Variants in ASTN2 observed in about 807,000 individuals in gnomAD.
The protein encoded by ASTN2 is astrotactin 2, also known as astrotactin-2.
Under a neutral mutation model 139.8 loss-of-function variants are expected in ASTN2, and 54 were observed. The ratio of observed to expected loss-of-function variants is 0.39; its 90% CI spans 0.31 to 0.48. ASTN2 has a LOEUF of 0.48. Among genes scored for constraint, ASTN2 ranks in the 20% least tolerant of loss-of-function variants. The pLI is 0.95. For synonymous variants in ASTN2, 756 were observed against 719.5 expected (o/e 1.05, Z -0.81); for missense variants, 1,565 against 1,725.1 (o/e 0.91, Z 1.64).
chr9:116,618,297 C>T, intron 19 of ASTN2, 27 bp downstream of exon 19: 1 of 1,603,012 alleles, frequency 6.2e-7, no homozygotes, highest in East Asian at 2.2e-5. Flanking sequence ...CATACTATCC[C>T]AAGAAAATGG....
At chr9:116,907,939 CACACCCAA>C (rs1199910931) in intron 10 of ASTN2, among the ~76,000 whole-genome samples, 21 of 152,230 alleles carry the variant, frequency 1.4e-4, no homozygotes, top group African/African-American at 4.6e-4. Context: ...TGGAGGCAAC[CACACCCAA>C]CAGTAAGACT....
chr9:116,803,280 T>G (rs1006777468), intron 13 of ASTN2, among the ~76,000 whole-genome samples: 2 of 150,208 alleles, frequency 1.3e-5, no homozygotes, highest in East Asian at 3.9e-4. Flanking sequence ...CAGACTATCC[T>G]TAAATTTTTC....
At chr9:116,877,802 G>T (rs1468125060) in intron 10 of ASTN2, among the ~76,000 whole-genome samples, 1 of 152,014 alleles carries the variant, frequency 6.6e-6, no homozygotes, top group Middle Eastern at 3.2e-3. Context: ...TTCTCCTCCT[G>T]TACTTGTTCT....
intron 10 of ASTN2, among the ~76,000 whole-genome samples, chr9:116,973,521 A>G (rs1836267262): frequency 6.6e-6 from 1 of 152,220 alleles, no homozygotes; most frequent in Non-Finnish European, 1.5e-5. Context: ...CTGAATCTTC[A>G]TTGAAATCAT....
intron 10 of ASTN2, among the ~76,000 whole-genome samples, chr9:116,971,964 GC>G: frequency 6.6e-6 from 1 of 152,256 alleles, no homozygotes; most frequent in Non-Finnish European, 1.5e-5. Context: ...CATAGCCTAT[GC>G]CCTCAGACAA....
intron 13 of ASTN2, among the ~76,000 whole-genome samples, chr9:116,789,193 C>A (rs1035971517): frequency 6.6e-6 from 1 of 152,188 alleles, no homozygotes; most frequent in Non-Finnish European, 1.5e-5. Flanking sequence ...CATCGTCTTT[C>A]TTTCCTCCTA....
At chr9:117,225,451 A>G (rs1292324168) in intron 2 of ASTN2, among the ~76,000 whole-genome samples, 3 of 149,018 alleles carry the variant, frequency 2.0e-5, no homozygotes, top group South Asian at 4.3e-4. Flanking sequence ...ACGGTGGCTC[A>G]CGCCTGTAAT....
chr9:116,684,484 T>G (rs1011576208), intron 16 of ASTN2, among the ~76,000 whole-genome samples: 1 of 152,216 alleles, frequency 6.6e-6, no homozygotes, highest in Non-Finnish European at 1.5e-5. Context: ...ACTAATGCTT[T>G]CAAATCTTTG....
intron 19 of ASTN2, among the ~76,000 whole-genome samples, chr9:116,488,358 T>C (rs970380272): frequency 2.0e-5 from 3 of 152,220 alleles, no homozygotes; most frequent in Non-Finnish European, 4.4e-5. Context: ...CTTGGGCAAC[T>C]AAATCCTCAT....
intron 13 of ASTN2, among the ~76,000 whole-genome samples, chr9:116,785,704 ATCTAGTTG>A (rs1160400287): frequency 6.6e-6 from 1 of 151,946 alleles, no homozygotes; most frequent in Non-Finnish European, 1.5e-5. Flanking sequence ...TCATCAGTAA[ATCTAGTTG>A]TCCCACCTTC....
chr9:116,567,071 T>C (rs762637764), intron 19 of ASTN2, among the ~76,000 whole-genome samples: 4 of 152,024 alleles, frequency 2.6e-5, no homozygotes, highest in Non-Finnish European at 5.9e-5. Context: ...CTGAGAGAGG[T>C]CATGTGACTT....
At chr9:116,935,953 G>A (rs1047957802) in intron 10 of ASTN2, among the ~76,000 whole-genome samples, 2 of 151,396 alleles carry the variant, frequency 1.3e-5, no homozygotes, top group Non-Finnish European at 1.5e-5. Flanking sequence ...AAGAGATGTT[G>A]AGTAACTTGC....
chr9:117,111,317 G>T (rs964288577), intron 4 of ASTN2, among the ~76,000 whole-genome samples: 1 of 152,108 alleles, frequency 6.6e-6, no homozygotes, highest in Non-Finnish European at 1.5e-5. Flanking sequence ...GCTGTGATCA[G>T]TTGGGTAAAG....
Position 116,699,499 on chromosome 9 carries a change from G to T in ASTN2, c.2806+26272C>A, listed in dbSNP as rs866695848. The stretch of plus-strand genomic sequence containing the variant: ...ATTGCTGGCATGTGTGTGGATGCTC[G>T]TGGTGATCTCATCGTGGCTGACAGT... On this transcript the variant is annotated intron_variant, in intron 16 of 22. Coordinates refer to ENST00000313400, the MANE Select transcript of ASTN2 (RefSeq NM_001365068.1). The surrounding 1 kb of genome is among the most constrained non-coding windows in gnomAD (Gnocchi z 4.2). 3.7e-6 allele frequency: 6 copies of T among 1,614,098 alleles called. No homozygotes were observed. In the South Asian group the frequency reaches 4.4e-5, roughly 12 times the overall value.
chr9:116,784,901 C>T (rs1345037397), intron 13 of ASTN2, among the ~76,000 whole-genome samples: 2 of 141,856 alleles, frequency 1.4e-5, no homozygotes, highest in Admixed American at 7.6e-5. Context: ...TGCACTCCAG[C>T]CTGGGCAACA....
In ASTN2 at chr9:116,751,396, G is replaced by A. The variant is rs776185559; in HGVS notation, c.2397-17873C>T. Among the ~76,000 whole-genome samples, 9 of 152,066 alleles carry A rather than the reference G, an allele frequency of 5.9e-5. No homozygotes were observed. In the South Asian group the frequency reaches 6.2e-4, roughly 11 times the overall value. On this transcript the variant is annotated intron_variant, in intron 13 of 22. Coordinates refer to ENST00000313400, the MANE Select transcript of ASTN2 (RefSeq NM_001365068.1). ...CTCTTGCAAGTTTGGACAAGTTAGC[G>A]TTTCTTACTAAGTTTCAGTCTCCTG...
At chr9:116,937,536 C>G (rs1050998098) in intron 10 of ASTN2, among the ~76,000 whole-genome samples, 3 of 152,200 alleles carry the variant, frequency 2.0e-5, no homozygotes, top group African/African-American at 7.2e-5. Flanking sequence ...GTATTCTCTA[C>G]TGCCTAGCCC....
At position 116,893,479 on chromosome 9, in the gene ASTN2, C is replaced by T. The variant is rs79241148; in HGVS notation, c.1890-29746G>A. Among the ~76,000 whole-genome samples, 465 of 152,262 alleles carry T rather than the reference C, an allele frequency of 3.1e-3. 2 individuals carry two copies. Among genetic ancestry groups the T allele is most frequent in the Non-Finnish European group, 5.3e-3 (363 of 68,022 alleles). On this transcript the variant is annotated intron_variant, in intron 10 of 22. Coordinates refer to ENST00000313400, the MANE Select transcript of ASTN2 (RefSeq NM_001365068.1). The stretch of plus-strand genomic sequence containing the variant: ...ATCTAGGAGTAATTCTGGCTATACC[C>T]TCTTACTAGCTAGGTGACTTTGCAC...
intron 3 of ASTN2, among the ~76,000 whole-genome samples, chr9:117,184,869 A>G (rs570239208): frequency 1.3e-5 from 2 of 152,282 alleles, no homozygotes; most frequent in South Asian, 2.1e-4. Context: ...GACTTTCCCA[A>G]GATTATTACT....
Sources: gnomAD v4.1 joint callset for allele counts (sites outside exome capture counted in the v4.1 genomes callset) on GRCh38, gnomAD v4.1.1 for gene constraint, Gnocchi (gnomAD v3.1) non-coding constraint, MANE v1.5 for transcripts, NCBI Gene and HGNC (gene_info 2026-07-23, HGNC 2026-07-21) for gene names.